Variants in DHRSX observed in about 807,000 individuals in gnomAD.
DHRSX encodes dehydrogenase/reductase X-linked.
DHRSX carries 31 observed loss-of-function variants against 34.0 expected under a neutral mutation model. The ratio of observed to expected loss-of-function variants is 0.91; its 90% CI spans 0.69 to 1.23. The LOEUF is 1.23. Ranked by LOEUF, DHRSX falls within the 50% of genes most tolerant of loss-of-function variation. DHRSX has a pLI of 0.00. For missense variants in DHRSX, 414 were observed against 428.1 expected, an observed-to-expected ratio of 0.97 and a Z score of 0.29; for synonymous variants, 201 against 183.8, an observed-to-expected ratio of 1.09 and a Z score of -0.76.
At position 2,291,519 on chromosome X, in the gene DHRSX, T is replaced by G. The variant is rs1391209099; in HGVS notation, c.371A>C (p.His124Pro). The change falls in exon 4 of 7, where the codon CAT becomes CCT. Residue 124 changes from histidine to proline, a missense_variant. Physicochemically the swap from His to Pro is moderately conservative, Grantham distance 77 (BLOSUM62 -2). Transcript: ENST00000334651. ...QKFKMKKIPL[H>P]VLINNAGVMM... ...GGACTCACCATTGTTGATCAGGACA[T>G]GGAGAGGAATCTTCTTCATCTTGAA... 5 of 1,613,694 alleles carry G rather than the reference T, an allele frequency of 3.1e-6. No homozygotes were observed. In the African/African-American group the frequency reaches 6.7e-5, roughly 22 times the overall value.
intron 3 of DHRSX, among the ~76,000 whole-genome samples, chrX:2,333,637 A>G (rs1419505330): frequency 6.6e-6 from 1 of 151,884 alleles, no homozygotes; most frequent in Non-Finnish European, 1.5e-5. Context: ...CTGGTCTCGA[A>G]CTCCTGACCT....
At chrX:2,350,730 G>T (rs2042779317) in intron 3 of DHRSX, among the ~76,000 whole-genome samples, 1 of 152,160 alleles carries the variant, frequency 6.6e-6, no homozygotes, top group South Asian at 2.1e-4. Context: ...TGTCAAGAGG[G>T]TGGCTCTCAT....
chrX:2,303,051 A>G (rs1306239363), intron 3 of DHRSX, among the ~76,000 whole-genome samples: 1 of 152,206 alleles, frequency 6.6e-6, no homozygotes, highest in African/African-American at 2.4e-5. Flanking sequence ...GAAAACCCAT[A>G]CTACTGCTAA....
intron 4 of DHRSX, among the ~76,000 whole-genome samples, chrX:2,284,367 TTCAC>T (rs1388729071): frequency 7.2e-6 from 1 of 139,100 alleles, no homozygotes; most frequent in Non-Finnish European, 1.6e-5. Flanking sequence ...CATTCATTCA[TTCAC>T]TCATTTGAAT....
Position 2,410,560 on chromosome X carries a change from C to A in DHRSX, c.218-1747G>T, listed in dbSNP as rs139450991. Among the ~76,000 whole-genome samples, 500 of 152,256 alleles carry A rather than the reference C, an allele frequency of 3.3e-3. 2 individuals carry two copies. Among genetic ancestry groups the A allele is most frequent in the African/African-American group, 0.011 (476 of 41,548 alleles). Reference sequence around the variant, plus strand: ...ATTCCTGAATACTGAGTCAACACGGCGTATTGAATTTACACACTCTAACAC... The same window carrying A: ...ATTCCTGAATACTGAGTCAACACGGAGTATTGAATTTACACACTCTAACAC... On this transcript the variant is annotated intron_variant, in intron 2 of 6. Coordinates refer to ENST00000334651, the MANE Select transcript of DHRSX (RefSeq NM_145177.3).
At chrX:2,365,503 G>A (rs1355342854) in intron 3 of DHRSX, among the ~76,000 whole-genome samples, 1 of 152,054 alleles carries the variant, frequency 6.6e-6, no homozygotes, top group Admixed American at 6.6e-5. Flanking sequence ...TATGCCTAGA[G>A]AGTTCATCCT....
chrX:2,494,823 T>C (rs2045242315), intron 1 of DHRSX, among the ~76,000 whole-genome samples: 2 of 151,906 alleles, frequency 1.3e-5, no homozygotes, highest in Admixed American at 1.3e-4. Flanking sequence ...TATATTCTAT[T>C]ATCATTATAA....
intron 3 of DHRSX, among the ~76,000 whole-genome samples, chrX:2,341,443 G>C (rs1165127950): frequency 6.6e-6 from 1 of 152,040 alleles, no homozygotes; most frequent in African/African-American, 2.4e-5. Context: ...TGGGCTTATG[G>C]CCGCATCACT....
chrX:2,277,496 GGAA>G (rs2041686114), intron 4 of DHRSX, among the ~76,000 whole-genome samples: 1 of 40,844 alleles, frequency 2.4e-5, no homozygotes, highest in Non-Finnish European at 6.0e-5. Flanking sequence ...GGAGAGAGAA[GGAA>G]GAGGAGGAAA....
intron 1 of DHRSX, among the ~76,000 whole-genome samples, chrX:2,426,051 G>T (rs2043842908): frequency 6.6e-6 from 1 of 152,094 alleles, no homozygotes; most frequent in Non-Finnish European, 1.5e-5. Flanking sequence ...TGGCTGGGGG[G>T]TGGATTCTGG....
chrX:2,385,962 TGCAACTCTTCAAACCTGTGTACCTAAG>T (rs757918586), intron 3 of DHRSX, among the ~76,000 whole-genome samples: 2 of 152,162 alleles, frequency 1.3e-5, no homozygotes, highest in East Asian at 3.9e-4. Flanking sequence ...AGGTCTCTGT[TGCAACTCTTCAAACCTGTGTACCTAAG>T]GCAAAAACAG....
intron 3 of DHRSX, among the ~76,000 whole-genome samples, chrX:2,388,180 G>A (rs1468530245): frequency 6.6e-6 from 1 of 152,156 alleles, no homozygotes; most frequent in Non-Finnish European, 1.5e-5. Context: ...CCCATGGCAA[G>A]ATGCTGAGAC....
At chrX:2,414,992 C>T (rs186919029) in intron 2 of DHRSX, among the ~76,000 whole-genome samples, 2,527 of 150,986 alleles carry the variant, frequency 0.017, 63 homozygotes, top group African/African-American at 0.058. Context: ...GATCTCATCA[C>T]GACCTACCCA....
chrX:2,349,779 C>G (rs34298024), intron 3 of DHRSX, among the ~76,000 whole-genome samples: 1 of 151,778 alleles, frequency 6.6e-6, no homozygotes, highest in Non-Finnish European at 1.5e-5. Flanking sequence ...AGGTGGCTCA[C>G]GCCTGTAATT....
intron 1 of DHRSX, among the ~76,000 whole-genome samples, chrX:2,465,321 TA>T (rs1488593241): frequency 4.6e-5 from 7 of 152,130 alleles, no homozygotes; most frequent in Admixed American, 4.6e-4. Flanking sequence ...GTAACTGCAG[TA>T]ATTACCAAGA....
intron 1 of DHRSX, among the ~76,000 whole-genome samples, chrX:2,450,149 CCAA>C (rs2044196388): frequency 3.2e-5 from 3 of 93,560 alleles, no homozygotes; most frequent in African/African-American, 2.3e-4. Flanking sequence ...GAAAAAAGTA[CCAA>C]TAAATAAATA....
At chrX:2,253,246 C>T (rs1292315912) in intron 5 of DHRSX, among the ~76,000 whole-genome samples, 3 of 152,080 alleles carry the variant, frequency 2.0e-5, no homozygotes, top group Non-Finnish European at 4.4e-5. Context: ...GGCGCCACGG[C>T]ACTCCAGCCT....
At chrX:2,255,970 G>T (rs1254947549) in intron 5 of DHRSX, among the ~76,000 whole-genome samples, 1 of 149,886 alleles carries the variant, frequency 6.7e-6, no homozygotes, top group Non-Finnish European at 1.5e-5. Flanking sequence ...TCACAGGAAA[G>T]AAATCTTAAA....
chrX:2,385,429 C>T (rs771952207), intron 3 of DHRSX, among the ~76,000 whole-genome samples: 1 of 150,744 alleles, frequency 6.6e-6, no homozygotes, highest in South Asian at 2.1e-4. Context: ...ATTCCATAGC[C>T]ACAGCAGGCA....
Sources: allele counts gnomAD v4.1 joint callset (sites outside exome capture counted in the v4.1 genomes callset), GRCh38; gene constraint gnomAD v4.1.1; transcripts MANE v1.5; gene names NCBI Gene and HGNC (gene_info 2026-07-23, HGNC 2026-07-21).